DPP4: variants seen among roughly 807,000 people sequenced by gnomAD.
The protein encoded by DPP4 is dipeptidyl peptidase 4.
In DPP4, 93 loss-of-function variants were observed where a neutral mutation model predicts 122.4. The observed-to-expected ratio is 0.76, with a 90% confidence interval of 0.64 to 0.90. The LOEUF (loss-of-function observed/expected upper bound fraction) is 0.90, where lower values mean the gene tolerates loss of function less well. DPP4 is among the 40% of genes least tolerant of loss of function. DPP4 has a pLI of 0.00. For synonymous variants in DPP4, 321 were observed against 302.9 expected, an observed-to-expected ratio of 1.06 and a Z score of -0.62; for missense variants, 914 against 907.3, an observed-to-expected ratio of 1.01 and a Z score of -0.09.
intron 2 of DPP4, among the ~76,000 whole-genome samples, chr2:162,053,490 G>A (rs1365160743): frequency 6.6e-6 from 1 of 152,184 alleles, no homozygotes; most frequent in Non-Finnish European, 1.5e-5. Flanking sequence ...GTGTTGGGCT[G>A]CATTCAAAGC....
In DPP4 at chr2:162,017,114, C is replaced by T; in HGVS notation, c.1462G>A (p.Asp488Asn). 6.2e-7 allele frequency: 1 copy of T among 1,612,050 alleles called. No homozygotes were observed. The highest frequency in any genetic ancestry group is 1.1e-5 in the South Asian group (1 of 90,828). ...GTAAAATATGAGAAAATACCTTTAT[C>T]ATTCACGCTGCTGTGTAGAGTATAG... Reference protein sequence around the residue: ...PLYTLHSSVNDKGLRVLEDNS... With the variant: ...PLYTLHSSVNNKGLRVLEDNS... The change falls in exon 17 of 26, where the codon GAT becomes AAT. Residue 488 changes from aspartate (D) to asparagine (N), a missense_variant. By Grantham distance (23) the Asp-to-Asn change is conservative. Coordinates refer to ENST00000360534, the MANE Select transcript of DPP4 (RefSeq NM_001935.4).
intron 2 of DPP4, among the ~76,000 whole-genome samples, chr2:162,068,385 A>G (rs935107131): frequency 4.6e-5 from 7 of 152,238 alleles, no homozygotes; most frequent in African/African-American, 1.7e-4. Context: ...GTAGAGTCAC[A>G]TTGCCTGAGT....
intron 16 of DPP4, among the ~76,000 whole-genome samples, chr2:162,018,475 C>T (rs961817136): frequency 6.6e-6 from 1 of 152,162 alleles, no homozygotes; most frequent in Admixed American, 6.6e-5. Context: ...ATGTATTTAA[C>T]GCTGAAGTGC....
At chr2:162,065,082 G>T (rs918660169) in intron 2 of DPP4, among the ~76,000 whole-genome samples, 1 of 152,206 alleles carries the variant, frequency 6.6e-6, no homozygotes, top group Non-Finnish European at 1.5e-5. Context: ...GCTAGCAAAA[G>T]AAGATACTTT....
intron 2 of DPP4, among the ~76,000 whole-genome samples, chr2:162,057,529 T>C (rs768989757): frequency 4.6e-5 from 7 of 152,336 alleles, no homozygotes; most frequent in African/African-American, 1.4e-4. Context: ...GCTGACAGCA[T>C]GCACCCAGCA....
chr2:162,029,404 C>G (rs1158715423), intron 10 of DPP4, among the ~76,000 whole-genome samples: 1 of 152,206 alleles, frequency 6.6e-6, no homozygotes, highest in Non-Finnish European at 1.5e-5. Flanking sequence ...GCCTCAGGCT[C>G]CATGCCACCC....
At chr2:162,061,231 T>C (rs1005095621) in intron 2 of DPP4, among the ~76,000 whole-genome samples, 1 of 152,154 alleles carries the variant, frequency 6.6e-6, no homozygotes, top group Non-Finnish European at 1.5e-5. Flanking sequence ...TTTCCACTGC[T>C]CACTTCTGCT....
At chr2:162,014,313 G>T in intron 19 of DPP4, 83 bp downstream of exon 19, 1 of 1,111,184 alleles carries the variant, frequency 9.0e-7, no homozygotes, top group Non-Finnish European at 1.3e-6. Context: ...GGACGCATTT[G>T]GCTCCATTTT....
At chr2:162,072,598 G>A (rs577246540) in intron 2 of DPP4, among the ~76,000 whole-genome samples, 1 of 152,312 alleles carries the variant, frequency 6.6e-6, no homozygotes, top group East Asian at 1.9e-4. Flanking sequence ...CTAATTTATA[G>A]TGTGTAATGC....
At chr2:162,071,955 C>A (rs2300753) in intron 2 of DPP4, among the ~76,000 whole-genome samples, 2,650 of 152,246 alleles carry the variant, frequency 0.017, 38 homozygotes, top group South Asian at 0.037. Context: ...AAACTTCCAG[C>A]GATGCTGTGA....
intron 2 of DPP4, among the ~76,000 whole-genome samples, chr2:162,070,308 C>T (rs1279511314): frequency 7.2e-6 from 1 of 139,516 alleles, no homozygotes; most frequent in African/African-American, 2.6e-5. Flanking sequence ...AGTATTAAGC[C>T]TCTCTCTCTC....
At chr2:162,004,924 T>C (rs1701243743) in intron 23 of DPP4, among the ~76,000 whole-genome samples, 1 of 152,208 alleles carries the variant, frequency 6.6e-6, no homozygotes, top group African/African-American at 2.4e-5. Context: ...TCATAAATGA[T>C]TTACCTTGTC....
intron 16 of DPP4, among the ~76,000 whole-genome samples, chr2:162,018,197 G>A (rs1034038391): frequency 6.6e-6 from 1 of 152,140 alleles, no homozygotes; most frequent in African/African-American, 2.4e-5. Context: ...CTCCCATTTT[G>A]AGAAGTAACC....
chr2:162,017,989 G>T (rs1682984795), intron 16 of DPP4, among the ~76,000 whole-genome samples: 1 of 151,728 alleles, frequency 6.6e-6, no homozygotes, highest in South Asian at 2.1e-4. Context: ...TGAATATAAA[G>T]CTTTTAGCAC....
intron 23 of DPP4, among the ~76,000 whole-genome samples, chr2:162,001,839 T>G (rs1444102897): frequency 6.6e-6 from 1 of 152,232 alleles, no homozygotes. Flanking sequence ...AGAGCTATAC[T>G]ACCCTTTAGC....
rs1683692975 is a variant in DPP4 at position 162,034,466 on chromosome 2, AT to A, written c.774+697del. ...ATTGAGTGAGTTGGTAAAAATAAAA[AT>A]CCCCTTTTCCAAATTTCTTACAGAA... On this transcript the variant is annotated intron_variant, in intron 9 of 25. Transcript: ENST00000360534. Among the ~76,000 whole-genome samples, 5 of 152,256 alleles carry A rather than the reference AT, an allele frequency of 3.3e-5. No homozygotes were observed. In the South Asian group the frequency reaches 1.0e-3, roughly 32 times the overall value.
intron 10 of DPP4, among the ~76,000 whole-genome samples, chr2:162,025,179 A>T (rs1229930459): frequency 2.6e-5 from 4 of 152,200 alleles, no homozygotes. Context: ...ACAATATTCT[A>T]CAGTGGCTTA....
intron 25 of DPP4, among the ~76,000 whole-genome samples, chr2:161,994,252 C>T (rs748887536): frequency 4.6e-5 from 7 of 152,240 alleles, no homozygotes; most frequent in Non-Finnish European, 8.8e-5. Context: ...CTGTCCCACT[C>T]CTGTGCATTG....
Position 161,996,768 on chromosome 2 carries a change from T to C in DPP4, c.2053-1396A>G, listed in dbSNP as rs190424402. 2.1e-3 allele frequency among the ~76,000 whole-genome samples: 319 copies of C among 152,306 alleles called. 1 individual carries two copies. The highest frequency in any genetic ancestry group is 7.4e-3 in the African/African-American group (309 of 41,564). ...ATTATTAGCTATTGTTAATCTCTTA[T>C]GGTGCCTAATTTATAAACTTTATCA... On this transcript the variant is annotated intron_variant, in intron 23 of 25. Coordinates refer to ENST00000360534, the MANE Select transcript of DPP4 (RefSeq NM_001935.4).
Sources: allele counts gnomAD v4.1 joint callset (sites outside exome capture counted in the v4.1 genomes callset), GRCh38; gene constraint gnomAD v4.1.1; transcripts MANE v1.5; gene names NCBI Gene and HGNC (gene_info 2026-07-23, HGNC 2026-07-21).